The following NCKAP5 variants were observed in gnomAD, a reference collection of about 807,000 sequenced individuals.
The protein encoded by NCKAP5 is nck-associated protein 5.
NCKAP5 carries 92 observed loss-of-function variants against 167.0 expected under a neutral mutation model. The ratio of observed to expected loss-of-function variants is 0.55; its 90% CI spans 0.47 to 0.66. The LOEUF is 0.66. Ranked by LOEUF, NCKAP5 falls within the 30% of genes least tolerant of loss-of-function variation. The probability of loss-of-function intolerance (pLI) is 0.00; values close to 1 mark genes in which losing one functional copy is unlikely to be tolerated. For missense variants in NCKAP5, 2,378 were observed against 2,315.0 expected (o/e 1.03, Z -0.56); for synonymous variants, 891 against 877.4 (o/e 1.02, Z -0.27).
intron 3 of NCKAP5, among the ~76,000 whole-genome samples, chr2:133,511,773 T>C (rs73003141): frequency 0.12 from 18,270 of 152,258 alleles, 2,069 homozygotes; most frequent in African/African-American, 0.29. Context: ...AACTCCCTCT[T>C]GTTCTTTGGC....
At chr2:132,886,057 C>T (rs1692193015) in intron 8 of NCKAP5, among the ~76,000 whole-genome samples, 1 of 152,210 alleles carries the variant, frequency 6.6e-6, no homozygotes, top group African/African-American at 2.4e-5. Flanking sequence ...GGTTTTGCTG[C>T]TCTAGCATGG....
chr2:133,013,737 G>A (rs1217424925), intron 6 of NCKAP5, among the ~76,000 whole-genome samples: 2 of 151,974 alleles, frequency 1.3e-5, no homozygotes, highest in African/African-American at 2.4e-5. Context: ...AGCCATTAGA[G>A]GCCCTCTGGA....
the NCKAP5 span, among the ~76,000 whole-genome samples, chr2:133,608,952 C>T: frequency 6.6e-6 from 1 of 152,198 alleles, no homozygotes; most frequent in Non-Finnish European, 1.5e-5. Context: ...AACATTTGAA[C>T]ATTTCATGTA....
chr2:133,553,065 C>T (rs528413109), intron 2 of NCKAP5, among the ~76,000 whole-genome samples: 1 of 152,144 alleles, frequency 6.6e-6, no homozygotes, highest in Admixed American at 6.5e-5. Flanking sequence ...CTCATTCCCC[C>T]AAAGGATTTG....
intron 6 of NCKAP5, among the ~76,000 whole-genome samples, chr2:133,119,725 A>G (rs1286880828): frequency 1.3e-5 from 2 of 152,124 alleles, no homozygotes; most frequent in Admixed American, 1.3e-4. Context: ...CAAAACAAAT[A>G]AATGATGGAA....
chr2:132,816,209 A>G (rs1423070194), intron 11 of NCKAP5, among the ~76,000 whole-genome samples: 1 of 152,156 alleles, frequency 6.6e-6, no homozygotes, highest in Non-Finnish European at 1.5e-5. Context: ...AGCTGTTTTT[A>G]GGATCTGGGG....
At chr2:133,254,038 G>A (rs1362801635) in intron 4 of NCKAP5, among the ~76,000 whole-genome samples, 1 of 152,170 alleles carries the variant, frequency 6.6e-6, no homozygotes, top group Admixed American at 6.5e-5. Context: ...TGGGAAACAT[G>A]CCTAAAAAAT....
At chr2:133,526,630 T>C (rs1053360394) in intron 2 of NCKAP5, among the ~76,000 whole-genome samples, 4 of 152,180 alleles carry the variant, frequency 2.6e-5, no homozygotes, top group African/African-American at 4.8e-5. Context: ...GTAAGCGTTT[T>C]AGCTCTGGCT....
At chr2:132,696,688 A>T (rs1161740059) in intron 19 of NCKAP5, among the ~76,000 whole-genome samples, 5 of 152,202 alleles carry the variant, frequency 3.3e-5, no homozygotes, top group Non-Finnish European at 2.9e-5. Flanking sequence ...TAGACAGATT[A>T]AAAAAGCTCT....
chr2:133,597,688 A>G, the NCKAP5 span, among the ~76,000 whole-genome samples: 4 of 150,022 alleles, frequency 2.7e-5, no homozygotes, highest in Non-Finnish European at 6.0e-5. Flanking sequence ...AAAAAAAAAA[A>G]AAAAAAAAAA....
rs377194318 is a variant in NCKAP5, at chr2:132,780,984, C to T, written c.5049+68G>A. ...TTACCCATACATTTTCATTAGCAAA[C>T]GGTAGAAAGACCCCAGCCAGAACAT... On this transcript the variant is annotated intron_variant, in intron 15 of 19. Coordinates refer to ENST00000409261, the MANE Select transcript of NCKAP5 (RefSeq NM_207363.3). The T allele has an allele frequency of 1.8e-4, 267 of 1,478,338 alleles. 3 individuals are homozygous for T. In the South Asian group the frequency reaches 2.5e-3, roughly 14 times the overall value. The allele number at this position is 1,478,338 out of a possible 1,614,324, so 91.6% of individuals were successfully genotyped here. A position where few individuals can be genotyped will look rare whatever the true frequency, so the allele number is the denominator to read the frequency against.
At chr2:133,163,881 G>A (rs1229724061) in intron 5 of NCKAP5, among the ~76,000 whole-genome samples, 2 of 151,884 alleles carry the variant, frequency 1.3e-5, no homozygotes, top group Non-Finnish European at 2.9e-5. Context: ...CCCGTAACTA[G>A]GTAAGAACCT....
chr2:132,720,789 A>T (rs1439821821), intron 19 of NCKAP5, among the ~76,000 whole-genome samples: 1 of 152,088 alleles, frequency 6.6e-6, no homozygotes, highest in Non-Finnish European at 1.5e-5. Context: ...CAGGAGGATC[A>T]CCTAAGGTCA....
chr2:133,014,519 A>G (rs1337995983), intron 6 of NCKAP5, among the ~76,000 whole-genome samples: 1 of 152,228 alleles, frequency 6.6e-6, no homozygotes, highest in Non-Finnish European at 1.5e-5. Flanking sequence ...CTTATGGCAC[A>G]ATACAGGTAC....
At chr2:133,540,571 A>G (rs1686140311) in intron 2 of NCKAP5, among the ~76,000 whole-genome samples, 1 of 152,224 alleles carries the variant, frequency 6.6e-6, no homozygotes, top group Admixed American at 6.5e-5. Flanking sequence ...GGAGTAGAAT[A>G]TAGGAGATTG....
intron 11 of NCKAP5, among the ~76,000 whole-genome samples, chr2:132,853,546 A>G (rs1689238463): frequency 6.6e-6 from 1 of 152,226 alleles, no homozygotes; most frequent in African/African-American, 2.4e-5. Context: ...AATACCTATT[A>G]ATACAATTAA....
intron 3 of NCKAP5, among the ~76,000 whole-genome samples, chr2:133,404,810 T>C (rs948487060): frequency 2.6e-5 from 4 of 152,268 alleles, no homozygotes; most frequent in Non-Finnish European, 4.4e-5. Flanking sequence ...TACTAGCAGA[T>C]GGCCCTGCTG....
intron 16 of NCKAP5, among the ~76,000 whole-genome samples, chr2:132,739,672 T>C (rs1691841584): frequency 1.3e-5 from 2 of 152,184 alleles, no homozygotes; most frequent in Non-Finnish European, 2.9e-5. Context: ...AGTGTTACAC[T>C]GCAGCATCTG....
At chr2:133,026,782 C>A (rs1353085947) in intron 6 of NCKAP5, among the ~76,000 whole-genome samples, 1 of 152,204 alleles carries the variant, frequency 6.6e-6, no homozygotes, top group African/African-American at 2.4e-5. Flanking sequence ...TGATCCTAAT[C>A]TTTCTATAGA....
Sources: allele counts gnomAD v4.1 joint callset (sites outside exome capture counted in the v4.1 genomes callset), GRCh38; gene constraint gnomAD v4.1.1; transcripts MANE v1.5; gene names NCBI Gene and HGNC (gene_info 2026-07-23, HGNC 2026-07-21).